The following SLC9A5 variants were observed in gnomAD, a reference collection of about 807,000 sequenced individuals.
SLC9A5 encodes sodium/hydrogen exchanger 5.
SLC9A5 carries 52 observed loss-of-function variants against 91.7 expected under a neutral mutation model. The observed-to-expected ratio is 0.57, with a 90% CI of 0.45 to 0.71. The LOEUF is 0.71. SLC9A5 is among the 30% of genes least tolerant of loss of function. The probability of loss-of-function intolerance (pLI) is 0.00; values close to 1 mark genes in which losing one functional copy is unlikely to be tolerated. For synonymous variants in SLC9A5, 419 were observed against 474.5 expected, an observed-to-expected ratio of 0.88 and a Z score of 1.52; for missense variants, 871 against 1,158.9, an observed-to-expected ratio of 0.75 and a Z score of 3.61.
At chr16:67,269,863 C>G (rs1784654517) in intron 15 of SLC9A5, among the ~76,000 whole-genome samples, 1 of 152,180 alleles carries the variant, frequency 6.6e-6, no homozygotes, top group South Asian at 2.1e-4. Context: ...TTCTGGGATT[C>G]TTAGCTCAGG....
At chr16:67,265,298 C>A in intron 14 of SLC9A5, 192 bp downstream of exon 14, 1 of 604,850 alleles carries the variant, frequency 1.7e-6, no homozygotes, top group Non-Finnish European at 2.9e-6. Context: ...CAGGAGGCAT[C>A]TGATTGCTAA....
intron 2 of SLC9A5, among the ~76,000 whole-genome samples, chr16:67,254,342 C>T (rs570748577): frequency 8.5e-4 from 129 of 152,294 alleles, no homozygotes; most frequent in Non-Finnish European, 1.5e-3. Context: ...AGCCAATTTC[C>T]ATTTGCTGGT....
intron 1 of SLC9A5, 79 bp downstream of exon 1, chr16:67,249,280 G>T (rs777333332): frequency 6.3e-5 from 74 of 1,179,818 alleles, no homozygotes; most frequent in Non-Finnish European, 7.5e-5. Flanking sequence ...TCGGTCCTCA[G>T]ATTGGGGCTG....
chr16:67,250,829 C>T (rs913143201), intron 1 of SLC9A5, among the ~76,000 whole-genome samples: 5 of 152,146 alleles, frequency 3.3e-5, no homozygotes, highest in African/African-American at 1.2e-4. Context: ...TAGAGGTCTC[C>T]TTCCCCAACA....
chr16:67,254,354 GTTA>G (rs952823778), intron 2 of SLC9A5, among the ~76,000 whole-genome samples: 7 of 152,176 alleles, frequency 4.6e-5, no homozygotes, highest in African/African-American at 1.7e-4. Context: ...TTTGCTGGTA[GTTA>G]TTATTACTGT....
At position 67,256,706 on chromosome 16, in the gene SLC9A5, C is replaced by A; in HGVS notation, c.1132+17C>A. On this transcript the variant is annotated intron_variant, in intron 6 of 15. Transcript: ENST00000299798. This position sits in a 1 kb window ranked among gnomAD's most constrained non-coding sequence, Gnocchi z 4.1. ...GAGCCCTCGGTATTGCTGGCACCCT[C>A]TGCTTTCCCACTCTCCTTCCTGTCC... is the stretch of plus-strand genomic sequence containing the variant. 6.3e-7 allele frequency: 1 copy of A among 1,589,906 alleles called. No homozygotes were observed. The highest frequency in any genetic ancestry group is 8.6e-7 in the Non-Finnish European group (1 of 1,160,668).
chr16:67,260,018 G>A (rs890214690), intron 12 of SLC9A5, 72 bp downstream of exon 12: 9 of 1,551,204 alleles, frequency 5.8e-6, no homozygotes, highest in African/African-American at 2.7e-5. Context: ...GGCAGTTGGC[G>A]CCAGCTTGTT....
At chr16:67,269,462 C>T (rs920801949) in intron 15 of SLC9A5, among the ~76,000 whole-genome samples, 1 of 151,958 alleles carries the variant, frequency 6.6e-6, no homozygotes, top group Non-Finnish European at 1.5e-5. Context: ...AACCTCGCCT[C>T]ATCAATTATT....
chr16:67,271,173 A>G lies in SLC9A5; in HGVS notation c.2654A>G (p.His885Arg). 1 of 1,612,772 alleles carries G rather than the reference A, an allele frequency of 6.2e-7. No individual in the cohort carries two copies. ...THLSPGTATS[H>R]WCIQFNRGSR... ...CTCAGCCCAGGCACCGCTACCTCCC[A>G]CTGGTGCATCCAGTTCAACAGAGGC... Residue 885 changes from histidine (H) to arginine (R), a missense_variant, in exon 16 of 16, where the codon CAC becomes CGC. Around this residue, in one of 3 missense-constraint regions of SLC9A5, gnomAD observed 295 missense variants for 326.0 expected, o/e 0.90. Transcript: ENST00000299798.
At chr16:67,262,491 C>T in intron 12 of SLC9A5, 1 of 311,094 alleles carries the variant, frequency 3.2e-6, no homozygotes, top group Non-Finnish European at 6.5e-6. Context: ...ACCTGGCTAC[C>T]ACAGAATCCC....
At chr16:67,265,269 G>A (rs776926473) in intron 14 of SLC9A5, 163 bp downstream of exon 14, 2 of 649,458 alleles carry the variant, frequency 3.1e-6, no homozygotes, top group African/African-American at 1.8e-5. Flanking sequence ...GTTCAAAGCA[G>A]TTATTAGACA....
Position 67,255,056 on chromosome 16 carries a change from C to T in SLC9A5, c.526C>T (p.Leu176=). ...RVQAGLLDFL[L]FGSLISAVDP... is the part of the protein sequence containing the mutation. ...GCAGGCTGGCTTACTGGACTTCCTG[C>T]TGTTTGGGAGCCTCATCTCGGCGGT... Residue 176 remains leucine (L), a synonymous_variant, in exon 3 of 16, where the codon CTG becomes TTG. Transcript: ENST00000299798. This position sits in a 1 kb window ranked among gnomAD's most constrained non-coding sequence, Gnocchi z 4.9. 1 of 1,614,022 alleles carries T rather than the reference C, an allele frequency of 6.2e-7. No individual in the cohort carries two copies. The highest frequency in any genetic ancestry group is 8.5e-7 in the Non-Finnish European group (1 of 1,179,974).
At position 67,257,232 on chromosome 16, in the gene SLC9A5, A is replaced by G; in HGVS notation, c.1336-113A>G. ...GAGATGGAGGGCCCTGACTTCCCAG[A>G]CCTTGAGTGCAGTGGGGTAGGGGTA... On this transcript the variant is annotated intron_variant, in intron 7 of 15. Transcript: ENST00000299798. The surrounding 1 kb of genome is among the most constrained non-coding windows in gnomAD (Gnocchi z 5.1). The G allele has an allele frequency of 2.9e-6, 4 of 1,372,462 alleles. No homozygotes were observed. The highest frequency in any genetic ancestry group is 4.1e-6 in the Non-Finnish European group (4 of 976,404). 85.0% of individuals were successfully genotyped at this position (1,372,462 alleles called of 1,614,324 possible). A position where few individuals can be genotyped will look rare whatever the true frequency, so the allele number is the denominator to read the frequency against.
chr16:67,264,639 G>C, intron 13 of SLC9A5, 117 bp downstream of exon 13: 1 of 986,918 alleles, frequency 1.0e-6, no homozygotes, highest in Non-Finnish European at 1.6e-6. Flanking sequence ...GTCCTCAGGG[G>C]CTTGATGACT....
chr16:67,257,780 C>G lies in SLC9A5; in HGVS notation c.1496+179C>G, dbSNP rs148192896. ...GTTAAGACAAGGCTCCCCAGTGTGG[C>G]CTGCTTGGCCCTGCATGGTTTGGCA... On this transcript the variant is annotated intron_variant, in intron 9 of 15. Transcript: ENST00000299798. This position sits in a 1 kb window ranked among gnomAD's most constrained non-coding sequence, Gnocchi z 5.1. 7.9e-5 allele frequency among the ~76,000 whole-genome samples: 12 copies of G among 152,360 alleles called. No homozygotes were observed. The East Asian group carries it at 2.3e-3, about 29-fold the overall frequency.
At chr16:67,259,490 T>G in intron 10 of SLC9A5, 83 bp from the exon 11 acceptor site, 3 of 950,066 alleles carry the variant, frequency 3.2e-6, no homozygotes, top group Non-Finnish European at 5.1e-6. Flanking sequence ...TAAGTGTTCG[T>G]TATTATTATT....
chr16:67,268,404 G>A (rs904138040), intron 15 of SLC9A5, among the ~76,000 whole-genome samples: 1 of 141,910 alleles, frequency 7.0e-6, no homozygotes, highest in African/African-American at 2.6e-5. Context: ...ATGACTCACT[G>A]CTTCCTCAAC....
In SLC9A5 at chr16:67,261,958, G is replaced by GTGTGTGTC. The variant is rs1244804727; in HGVS notation, c.1842+2013_1842+2014insGTGTGTCT. The GTGTGTGTC allele has an allele frequency of 1.5e-5, 4 of 273,372 alleles. No homozygotes were observed. The East Asian group carries it at 3.4e-4, about 23-fold the overall frequency. 16.9% of individuals were successfully genotyped at this position (273,372 alleles called of 1,614,324 possible). ...TGTGTGTGTGTGTGTGTGTGTGTGT[G>GTGTGTGTC]TATGTGGTGTTTATGTATAAGATTG... On this transcript the variant is annotated intron_variant, in intron 12 of 15. Coordinates refer to ENST00000299798, the MANE Select transcript of SLC9A5 (RefSeq NM_004594.3).
In SLC9A5 at chr16:67,252,808, G is replaced by A. The variant is rs774344640; in HGVS notation, c.454G>A (p.Ala152Thr). 1.4e-5 allele frequency: 22 copies of A among 1,613,286 alleles called. No individual in the cohort carries two copies. The highest frequency in any genetic ancestry group is 1.1e-4 in the South Asian group (10 of 91,048). Residue 152 changes from alanine (A) to threonine (T), a missense_variant, in exon 2 of 16, where the codon GCT becomes ACT. By Grantham distance (58) the Ala-to-Thr change is moderately conservative. Around this residue, in one of 3 missense-constraint regions of SLC9A5, gnomAD observed 454 missense variants for 718.3 expected, o/e 0.63. Coordinates refer to ENST00000299798, the MANE Select transcript of SLC9A5 (RefSeq NM_004594.3). The surrounding 1 kb of genome is among the most constrained non-coding windows in gnomAD (Gnocchi z 4.0). ...GTLWNAFTTGAALWGLQQAGL... is the reference protein window; with the variant it reads ...GTLWNAFTTGTALWGLQQAGL... ...ACTCTGGAATGCCTTCACAACAGGCGCTGCCCTCTGGGGCTTGCAGCAGGC... is the reference window on the plus strand; with the variant it reads ...ACTCTGGAATGCCTTCACAACAGGCACTGCCCTCTGGGGCTTGCAGCAGGC...
Sources: gnomAD v4.1 joint callset for allele counts (sites outside exome capture counted in the v4.1 genomes callset) on GRCh38, gnomAD v4.1.1 for gene constraint, gnomAD v4.1.1 regional missense constraint, Gnocchi (gnomAD v3.1) non-coding constraint, MANE v1.5 for transcripts, NCBI Gene and HGNC (gene_info 2026-07-23, HGNC 2026-07-21) for gene names.